MACROD2: variants seen among roughly 807,000 people sequenced by gnomAD.
MACROD2 encodes ADP-ribose glycohydrolase MACROD2.
A neutral mutation model predicts 70.4 loss-of-function variants in MACROD2; 36 were observed. The ratio of observed to expected loss-of-function variants is 0.51; its 90% CI spans 0.39 to 0.68. The LOEUF (loss-of-function observed/expected upper bound fraction) is 0.68, where lower values mean the gene tolerates loss of function less well. Ranked by LOEUF, MACROD2 falls within the 30% of genes least tolerant of loss-of-function variation. The probability of loss-of-function intolerance (pLI) is 0.00; values close to 1 mark genes in which losing one functional copy is unlikely to be tolerated. For synonymous variants in MACROD2, 172 were observed against 178.8 expected (o/e 0.96, Z 0.30); for missense variants, 496 against 538.4 (o/e 0.92, Z 0.78).
intron 6 of MACROD2, among the ~76,000 whole-genome samples, chr20:15,390,669 A>T (rs1175231946): frequency 1.3e-5 from 2 of 152,176 alleles, no homozygotes; most frequent in African/African-American, 4.8e-5. Context: ...TTGGGGGGAA[A>T]ATAAAAGTTC....
intron 4 of MACROD2, among the ~76,000 whole-genome samples, chr20:14,661,558 A>C (rs1986226349): frequency 6.6e-6 from 1 of 152,116 alleles, no homozygotes; most frequent in African/African-American, 2.4e-5. Flanking sequence ...TAGTTTAATT[A>C]GGTCTCAATT....
At chr20:15,359,447 T>C (rs936824926) in intron 6 of MACROD2, among the ~76,000 whole-genome samples, 1 of 151,924 alleles carries the variant, frequency 6.6e-6, no homozygotes, top group Middle Eastern at 3.2e-3. Flanking sequence ...AGCTTAAGGA[T>C]TGTTTAAAAG....
rs185100867 is a variant in MACROD2, at chr20:14,866,141, C to G, written c.418+181182C>G. Among the ~76,000 whole-genome samples the G allele has an allele frequency of 2.6e-5, 4 of 152,234 alleles. No homozygotes were observed. In the East Asian group the frequency reaches 7.7e-4, roughly 29 times the overall value. ...ACAAATAAGTGAATATAGCAACTGTCTCTCCATAGTTATGCATACAATTAG... is the reference window on the plus strand; with the variant it reads ...ACAAATAAGTGAATATAGCAACTGTGTCTCCATAGTTATGCATACAATTAG... On this transcript the variant is annotated intron_variant, in intron 5 of 17. Coordinates refer to ENST00000684519, the MANE Select transcript of MACROD2 (RefSeq NM_001351661.2).
intron 6 of MACROD2, among the ~76,000 whole-genome samples, chr20:15,422,339 G>C (rs2046240815): frequency 6.6e-6 from 1 of 152,186 alleles, no homozygotes; most frequent in Non-Finnish European, 1.5e-5. Context: ...GCGTGTGGCT[G>C]TAAGAGAACT....
intron 3 of MACROD2, among the ~76,000 whole-genome samples, chr20:14,442,746 C>T (rs576021130): frequency 7.2e-5 from 11 of 152,064 alleles, no homozygotes; most frequent in Admixed American, 5.9e-4. Flanking sequence ...AAGCTGAATA[C>T]CTACCTCCCC....
At chr20:15,729,352 G>C (rs2050909339) in intron 8 of MACROD2, among the ~76,000 whole-genome samples, 1 of 152,186 alleles carries the variant, frequency 6.6e-6, no homozygotes, top group Non-Finnish European at 1.5e-5. Context: ...TTAGAAGAAT[G>C]CATATTCTGT....
chr20:15,392,442 C>T (rs979629800), intron 6 of MACROD2, among the ~76,000 whole-genome samples: 2 of 152,004 alleles, frequency 1.3e-5, no homozygotes, highest in Admixed American at 1.3e-4. Flanking sequence ...GGCTTTTGAT[C>T]ATTCCATATT....
chr20:15,868,523 G>C (rs527350035), intron 9 of MACROD2, among the ~76,000 whole-genome samples: 2 of 151,822 alleles, frequency 1.3e-5, no homozygotes, highest in East Asian at 1.9e-4. Context: ...CTAGTATACA[G>C]AGCAATGAAG....
chr20:14,611,459 T>C (rs1449747920), intron 4 of MACROD2, among the ~76,000 whole-genome samples: 1 of 151,514 alleles, frequency 6.6e-6, no homozygotes, highest in East Asian at 1.9e-4. Flanking sequence ...GAGGTTTTTT[T>C]TTTTTTTTTT....
At chr20:15,156,371 T>G (rs1287944999) in intron 5 of MACROD2, among the ~76,000 whole-genome samples, 1 of 152,232 alleles carries the variant, frequency 6.6e-6, no homozygotes, top group Non-Finnish European at 1.5e-5. Context: ...TTATTACTTT[T>G]CATCTTAGTA....
intron 3 of MACROD2, among the ~76,000 whole-genome samples, chr20:14,088,660 CTT>C: frequency 1.3e-5 from 2 of 152,282 alleles, no homozygotes; most frequent in Admixed American, 1.3e-4. Context: ...TTAGCACACA[CTT>C]AATACAGTAA....
chr20:14,796,426 G>GT (rs568286395), intron 5 of MACROD2, among the ~76,000 whole-genome samples: 331 of 152,140 alleles, frequency 2.2e-3, no homozygotes, highest in African/African-American at 7.3e-3. Flanking sequence ...ATAGAGCAAT[G>GT]TTTTTTTCAC....
chr20:14,830,226 A>G (rs917614820), intron 5 of MACROD2, among the ~76,000 whole-genome samples: 1 of 152,096 alleles, frequency 6.6e-6, no homozygotes, highest in South Asian at 2.1e-4. Flanking sequence ...CTGAAATTTG[A>G]ATTGGCCATG....
chr20:15,131,024 C>T (rs1002560150), intron 5 of MACROD2, among the ~76,000 whole-genome samples: 38 of 152,056 alleles, frequency 2.5e-4, no homozygotes, highest in African/African-American at 8.9e-4. Context: ...CAAACACTCC[C>T]CCTTGACAAA....
chr20:15,898,647 C>G (rs2065013381), intron 10 of MACROD2, among the ~76,000 whole-genome samples: 1 of 150,764 alleles, frequency 6.6e-6, no homozygotes, highest in Non-Finnish European at 1.5e-5. Context: ...TTCTCAAAAG[C>G]TCTTCATCTG....
chr20:15,693,925 C>CT (rs1417080076), intron 8 of MACROD2, among the ~76,000 whole-genome samples: 1 of 150,224 alleles, frequency 6.7e-6, no homozygotes, highest in Non-Finnish European at 1.5e-5. Context: ...CCTTTGCATC[C>CT]TTGTAACTTA....
At chr20:15,409,546 T>C (rs1356985381) in intron 6 of MACROD2, among the ~76,000 whole-genome samples, 2 of 152,190 alleles carry the variant, frequency 1.3e-5, no homozygotes, top group Admixed American at 6.5e-5. Context: ...ACTTACCTCA[T>C]TTGAGGTGAG....
chr20:14,918,934 C>A (rs946784994), intron 5 of MACROD2, among the ~76,000 whole-genome samples: 2 of 152,122 alleles, frequency 1.3e-5, no homozygotes, highest in African/African-American at 4.8e-5. Context: ...ATTTCATCAA[C>A]TACTCTCTCC....
intron 5 of MACROD2, among the ~76,000 whole-genome samples, chr20:15,153,571 A>G (rs1295123632): frequency 6.6e-6 from 1 of 152,202 alleles, no homozygotes; most frequent in Non-Finnish European, 1.5e-5. Flanking sequence ...CTCACAAGGA[A>G]TTGTCATAGA....
Sources: gnomAD v4.1 joint callset for allele counts (sites outside exome capture counted in the v4.1 genomes callset) on GRCh38, gnomAD v4.1.1 for gene constraint, MANE v1.5 for transcripts, NCBI Gene and HGNC (gene_info 2026-07-23, HGNC 2026-07-21) for gene names.